CORIN: variants seen among roughly 807,000 people sequenced by gnomAD.
The protein encoded by CORIN is atrial natriuretic peptide-converting enzyme.
In CORIN, 117 loss-of-function variants were observed where a neutral mutation model predicts 125.3. The observed-to-expected ratio is 0.93, with a 90% confidence interval of 0.80 to 1.09. The LOEUF (loss-of-function observed/expected upper bound fraction) is 1.09, where lower values mean the gene tolerates loss of function less well. Ranked by LOEUF, CORIN falls within the 50% of genes least tolerant of loss-of-function variation. CORIN has a pLI of 0.00. For missense variants in CORIN, 1,253 were observed against 1,306.7 expected (o/e 0.96, Z 0.63); for synonymous variants, 450 against 466.4 (o/e 0.96, Z 0.45).
intron 19 of CORIN, among the ~76,000 whole-genome samples, chr4:47,620,299 C>T (rs1722252831): frequency 6.6e-6 from 1 of 152,122 alleles, no homozygotes. Context: ...TGGCAGCAAA[C>T]TGGAACTAAA....
intron 16 of CORIN, among the ~76,000 whole-genome samples, chr4:47,640,830 A>T (rs1723205592): frequency 6.6e-6 from 1 of 152,204 alleles, no homozygotes; most frequent in African/African-American, 2.4e-5. Context: ...GGTTTTATCG[A>T]GAAGAAAAAT....
chr4:47,750,835 A>C (rs1356366763), intron 4 of CORIN, among the ~76,000 whole-genome samples: 1 of 152,152 alleles, frequency 6.6e-6, no homozygotes, highest in African/African-American at 2.4e-5. Flanking sequence ...CCCTGGGAAG[A>C]GTTAGGATGG....
chr4:47,698,835 T>G (rs1353780270), intron 5 of CORIN, among the ~76,000 whole-genome samples: 2 of 152,222 alleles, frequency 1.3e-5, no homozygotes, highest in Non-Finnish European at 2.9e-5. Flanking sequence ...ACCAAATTTT[T>G]ACTGTACCTT....
At chr4:47,804,874 T>C (rs1301274736) in intron 2 of CORIN, among the ~76,000 whole-genome samples, 1 of 151,898 alleles carries the variant, frequency 6.6e-6, no homozygotes, top group Admixed American at 6.6e-5. Context: ...TATAATTGGA[T>C]TATAAAAATA....
chr4:47,753,430 G>A (rs755439568), intron 4 of CORIN, among the ~76,000 whole-genome samples: 23 of 152,080 alleles, frequency 1.5e-4, no homozygotes, highest in South Asian at 8.3e-4. Context: ...TTACCAGGAC[G>A]CGATCTTTTC....
intron 1 of CORIN, 23 bp downstream of exon 1, chr4:47,837,863 AG>A (rs760073579): frequency 3.1e-6 from 5 of 1,605,288 alleles, no homozygotes; most frequent in Non-Finnish European, 4.3e-6. Flanking sequence ...TGGCTGCGGT[AG>A]GACAGCGAAT....
Position 47,833,593 on chromosome 4 carries a change from C to T in CORIN, c.63+4294G>A, listed in dbSNP as rs571055991. On this transcript the variant is annotated intron_variant, in intron 1 of 21. Coordinates refer to ENST00000273857, the MANE Select transcript of CORIN (RefSeq NM_006587.4). ...AACTAAAAAGCTTCTGCATAGCAAACGATATGATCAACAAAATGAAAAGGC... is the reference window on the plus strand; with the variant it reads ...AACTAAAAAGCTTCTGCATAGCAAATGATATGATCAACAAAATGAAAAGGC... Among the ~76,000 whole-genome samples the T allele has an allele frequency of 6.8e-5, 10 of 147,040 alleles. No individual in the cohort carries two copies. The East Asian group carries it at 1.4e-3, about 20-fold the overall frequency.
In CORIN at chr4:47,661,901, CATCT is replaced by C. The variant is rs751562558; in HGVS notation, c.1590-49_1590-46del. ...AAAACATTAGAAGCAGAAATAGCTC[CATCT>C]GAGACAGATGTCATAAATTTATGTC... On this transcript the variant is annotated intron_variant, in intron 11 of 21. Transcript: ENST00000273857. The C allele has an allele frequency of 9.1e-6, 14 of 1,534,828 alleles. No homozygotes were observed. The Admixed American group carries it at 1.9e-4, about 21-fold the overall frequency.
intron 10 of CORIN, among the ~76,000 whole-genome samples, chr4:47,671,538 C>T (rs1018363304): frequency 3.9e-5 from 6 of 152,178 alleles, no homozygotes; most frequent in Admixed American, 6.5e-5. Context: ...TCAGGAATAA[C>T]ATCTTGACTT....
At chr4:47,700,835 C>T (rs1261900489) in intron 5 of CORIN, among the ~76,000 whole-genome samples, 1 of 152,220 alleles carries the variant, frequency 6.6e-6, no homozygotes, top group Non-Finnish European at 1.5e-5. Context: ...CCAGACATTT[C>T]TCTCCATGCC....
intron 10 of CORIN, among the ~76,000 whole-genome samples, chr4:47,670,363 C>T (rs146979850): frequency 6.6e-6 from 1 of 152,248 alleles, no homozygotes; most frequent in Admixed American, 6.5e-5. Context: ...TTTGTAAATA[C>T]ATCATTCCTC....
chr4:47,637,110 A>G (rs1231485317), intron 16 of CORIN, among the ~76,000 whole-genome samples: 4 of 152,198 alleles, frequency 2.6e-5, no homozygotes, highest in Non-Finnish European at 5.9e-5. Flanking sequence ...ATGTTTTACC[A>G]AAGAGAGTGG....
intron 19 of CORIN, among the ~76,000 whole-genome samples, chr4:47,605,974 A>G (rs1194745874): frequency 1.3e-5 from 2 of 152,164 alleles, no homozygotes; most frequent in African/African-American, 4.8e-5. Context: ...CCCCCTCTAT[A>G]TAGTCATGCA....
chr4:47,767,887 A>C (rs1729831617), intron 3 of CORIN, among the ~76,000 whole-genome samples: 1 of 152,176 alleles, frequency 6.6e-6, no homozygotes, highest in Admixed American at 6.5e-5. Flanking sequence ...AAAATCAGAA[A>C]ATCTGAACAG....
In CORIN at chr4:47,805,091, G is replaced by A. The variant is rs764760878; in HGVS notation, c.208+1812C>T. Among the ~76,000 whole-genome samples the A allele has an allele frequency of 2.0e-3, 298 of 146,582 alleles. 1 individual carries two copies. The highest frequency in any genetic ancestry group is 3.3e-3 in the Non-Finnish European group (221 of 67,096). ...GCAGAGCTTGCAGTGAGCCGAGATCGCGCCACTGCACTCCAGCCTGGGCAA... is the reference window on the plus strand; with the variant it reads ...GCAGAGCTTGCAGTGAGCCGAGATCACGCCACTGCACTCCAGCCTGGGCAA... On this transcript the variant is annotated intron_variant, in intron 2 of 21. Transcript: ENST00000273857.
chr4:47,595,553 A>G lies in CORIN; in HGVS notation c.*168T>C. ...AAGAGAAAAATGAAGGTGAAAAAATAAATTGAAAAAAATTAGTCCAAAACA... is the reference window on the plus strand; with the variant it reads ...AAGAGAAAAATGAAGGTGAAAAAATGAATTGAAAAAAATTAGTCCAAAACA... On this transcript the variant is annotated 3_prime_UTR_variant, in exon 22 of 22. Coordinates refer to ENST00000273857, the MANE Select transcript of CORIN (RefSeq NM_006587.4). The G allele has an allele frequency of 2.2e-6, 1 of 446,002 alleles. No homozygotes were observed. The highest frequency in any genetic ancestry group is 3.9e-6 in the Non-Finnish European group (1 of 255,096). 27.6% of individuals were successfully genotyped at this position (446,002 alleles called of 1,614,324 possible).
chr4:47,645,298 G>T, intron 13 of CORIN, 104 bp from the exon 14 acceptor site: 2 of 669,682 alleles, frequency 3.0e-6, no homozygotes, highest in Non-Finnish European at 2.6e-6. Flanking sequence ...GATGTTGGCA[G>T]GGCGCAGTGG....
chr4:47,626,602 C>G, intron 16 of CORIN, 81 bp from the exon 17 acceptor site: 2 of 888,616 alleles, frequency 2.3e-6, no homozygotes, highest in South Asian at 2.7e-5. Context: ...GCACTCATTC[C>G]CTTTCAAAAA....
chr4:47,609,980 A>C (rs1301033424), intron 19 of CORIN, among the ~76,000 whole-genome samples: 2 of 152,324 alleles, frequency 1.3e-5, no homozygotes, highest in Non-Finnish European at 2.9e-5. Flanking sequence ...TATATGTACC[A>C]CATTTTCTTT....
Sources: gnomAD v4.1 joint callset for allele counts (sites outside exome capture counted in the v4.1 genomes callset) on GRCh38, gnomAD v4.1.1 for gene constraint, MANE v1.5 for transcripts, NCBI Gene and HGNC (gene_info 2026-07-23, HGNC 2026-07-21) for gene names.